Variants in GRIN2B observed in about 807,000 individuals in gnomAD.
GRIN2B encodes the protein glutamate receptor ionotropic, NMDA 2B.
GRIN2B carries 5 observed loss-of-function variants against 114.5 expected under a neutral mutation model. That is an observed-to-expected ratio of 0.04 (90% CI 0.02 to 0.09). The LOEUF (loss-of-function observed/expected upper bound fraction) is 0.09. GRIN2B is among the 10% of genes least tolerant of loss of function. The pLI, the probability that GRIN2B is intolerant of heterozygous loss-of-function variation, is 1.00. For missense variants in GRIN2B, 1,108 were observed against 1,943.5 expected (o/e 0.57, Z 8.08); for synonymous variants, 787 against 745.1 (o/e 1.06, Z -0.92).
At chr12:13,898,682 CG>C (rs1565579560) in intron 2 of GRIN2B, among the ~76,000 whole-genome samples, 1 of 152,300 alleles carries the variant, frequency 6.6e-6, no homozygotes, top group East Asian at 1.9e-4. Flanking sequence ...GAGGCCAAGG[CG>C]GGTGTATCAC....
intron 3 of GRIN2B, among the ~76,000 whole-genome samples, chr12:13,780,535 G>A (rs1864089750): frequency 6.6e-6 from 1 of 152,154 alleles, no homozygotes; most frequent in African/African-American, 2.4e-5. Flanking sequence ...CAGTCTTGTA[G>A]ATTCCAAAAG....
chr12:13,776,814 C>A (rs1591724547), intron 3 of GRIN2B, among the ~76,000 whole-genome samples: 1 of 151,980 alleles, frequency 6.6e-6, no homozygotes, highest in East Asian at 1.9e-4. Flanking sequence ...CAAAGCAAGG[C>A]AAAGAAATGG....
chr12:13,964,908 G>A (rs1269194160), intron 2 of GRIN2B, among the ~76,000 whole-genome samples: 1 of 152,184 alleles, frequency 6.6e-6, no homozygotes, highest in African/African-American at 2.4e-5. Flanking sequence ...CTGAGAAGCA[G>A]GCACAATACT....
At chr12:13,737,197 G>A (rs545223794) in intron 4 of GRIN2B, among the ~76,000 whole-genome samples, 1 of 151,884 alleles carries the variant, frequency 6.6e-6, no homozygotes, top group Non-Finnish European at 1.5e-5. Flanking sequence ...ACTCCAGAAA[G>A]CTCATATAAT....
intron 2 of GRIN2B, among the ~76,000 whole-genome samples, chr12:13,941,501 T>G (rs904156007): frequency 6.6e-6 from 1 of 152,172 alleles, no homozygotes; most frequent in Non-Finnish European, 1.5e-5. Flanking sequence ...TGTGACCTTT[T>G]GTTTCTGAGT....
chr12:13,849,224 T>C (rs1865518097), intron 3 of GRIN2B, among the ~76,000 whole-genome samples: 1 of 152,084 alleles, frequency 6.6e-6, no homozygotes, highest in Non-Finnish European at 1.5e-5. Context: ...CGCTGCTCTC[T>C]TTCTACCCTG....
intron 10 of GRIN2B, among the ~76,000 whole-genome samples, chr12:13,607,358 T>TATTATATATTATATAA (rs1565473695): frequency 2.5e-5 from 1 of 40,436 alleles, no homozygotes; most frequent in South Asian, 4.7e-4. Flanking sequence ...ATAAAATATA[T>TATTATATATTATATAA]AATATATATT....
At chr12:13,886,824 C>T (rs1052756801) in intron 2 of GRIN2B, among the ~76,000 whole-genome samples, 1 of 152,164 alleles carries the variant, frequency 6.6e-6, no homozygotes, top group African/African-American at 2.4e-5. Context: ...TAGAGGTTCA[C>T]AGAATAAACC....
chr12:13,935,698 C>T (rs1229247266), intron 2 of GRIN2B, among the ~76,000 whole-genome samples: 1 of 152,030 alleles, frequency 6.6e-6, no homozygotes, highest in Non-Finnish European at 1.5e-5. Flanking sequence ...TGGAAGAGTA[C>T]CCTGCAGAAA....
At chr12:13,837,324 G>A (rs1865289152) in intron 3 of GRIN2B, among the ~76,000 whole-genome samples, 1 of 152,148 alleles carries the variant, frequency 6.6e-6, no homozygotes, top group African/African-American at 2.4e-5. Context: ...CTTCACACAT[G>A]CATGTCCTGG....
At chr12:13,727,120 A>C (rs924922057) in intron 4 of GRIN2B, among the ~76,000 whole-genome samples, 6 of 152,178 alleles carry the variant, frequency 3.9e-5, no homozygotes, top group African/African-American at 1.4e-4. Flanking sequence ...GAATATAGGT[A>C]AGAGGCTCCA....
At chr12:13,910,742 G>T (rs1034777883) in intron 2 of GRIN2B, among the ~76,000 whole-genome samples, 1 of 152,126 alleles carries the variant, frequency 6.6e-6, no homozygotes, top group African/African-American at 2.4e-5. Context: ...CAGCTCTGAG[G>T]ATATAGTTCA....
intron 10 of GRIN2B, among the ~76,000 whole-genome samples, chr12:13,581,979 C>G (rs764671742): frequency 1.3e-5 from 2 of 151,380 alleles, no homozygotes; most frequent in Non-Finnish European, 2.9e-5. Context: ...GCTCAAAGAT[C>G]TAAGTTCAAA....
At chr12:13,640,367 T>A (rs1427069485) in intron 5 of GRIN2B, among the ~76,000 whole-genome samples, 1 of 152,160 alleles carries the variant, frequency 6.6e-6, no homozygotes, top group East Asian at 1.9e-4. Context: ...AGTAGGACGT[T>A]CATAAGTGAT....
rs1468677646 is a variant in GRIN2B at position 13,551,212 on chromosome 12, C to G, written c.*11571G>C. ...AGAATAGGGATTCTCAAGGAATTCT[C>G]CTACCCTTATTCCTCCCATTGAGAA... is the stretch of plus-strand genomic sequence containing the variant. On this transcript the variant is annotated 3_prime_UTR_variant, in exon 14 of 14. Transcript: ENST00000609686. 1 of 152,090 alleles carries G rather than the reference C, an allele frequency of 6.6e-6. No individual in the cohort carries two copies. The highest frequency in any genetic ancestry group is 1.5e-5 in the Non-Finnish European group (1 of 68,018). The allele number at this position is 152,090 out of a possible 1,614,324, so 9.4% of individuals were successfully genotyped here.
At chr12:13,832,652 T>C (rs1485696733) in intron 3 of GRIN2B, among the ~76,000 whole-genome samples, 1 of 152,196 alleles carries the variant, frequency 6.6e-6, no homozygotes, top group Non-Finnish European at 1.5e-5. Context: ...TATAACATGA[T>C]TTTTAATGGT....
intron 4 of GRIN2B, among the ~76,000 whole-genome samples, chr12:13,698,200 A>G (rs563241521): frequency 6.6e-5 from 10 of 152,344 alleles, no homozygotes; most frequent in African/African-American, 2.4e-4. Context: ...ATACTGATGC[A>G]ATACCATGCG....
At chr12:13,723,439 C>T (rs1862915922) in intron 4 of GRIN2B, among the ~76,000 whole-genome samples, 1 of 151,738 alleles carries the variant, frequency 6.6e-6, no homozygotes, top group Admixed American at 6.6e-5. Flanking sequence ...CCTTCCCTGT[C>T]TCACTGTTCT....
chr12:13,839,219 A>G (rs1865335931), intron 3 of GRIN2B, among the ~76,000 whole-genome samples: 1 of 152,222 alleles, frequency 6.6e-6, no homozygotes, highest in African/African-American at 2.4e-5. Flanking sequence ...CTGATTTTCT[A>G]TCATCTAAAA....
Sources: gnomAD v4.1 joint callset for allele counts (sites outside exome capture counted in the v4.1 genomes callset) on GRCh38, gnomAD v4.1.1 for gene constraint, MANE v1.5 for transcripts, NCBI Gene and HGNC (gene_info 2026-07-23, HGNC 2026-07-21) for gene names.